SLC9A1: variants seen among roughly 807,000 people sequenced by gnomAD.
The protein encoded by SLC9A1 is solute carrier family 9 member A1.
SLC9A1 carries 22 observed loss-of-function variants against 67.9 expected under a neutral mutation model. The ratio of observed to expected loss-of-function variants is 0.32; its 90% CI spans 0.23 to 0.46. SLC9A1 has a LOEUF of 0.46. SLC9A1 is among the 20% of genes least tolerant of loss of function. The pLI is 1.00. For synonymous variants in SLC9A1, 421 were observed against 471.8 expected (o/e 0.89, Z 1.40); for missense variants, 686 against 1,094.8 (o/e 0.63, Z 5.27).
In SLC9A1 at chr1:27,100,782, G is replaced by C. The variant is rs527976968; in HGVS notation, c.2111-138C>G. ...CGGTCCCAACAGGCCTCAGAAGCAG[G>C]CCTCTGCGACCTTCCACCCCACAGC... is the stretch of plus-strand genomic sequence containing the variant. On this transcript the variant is annotated intron_variant, in intron 11 of 11. Transcript: ENST00000263980. This position sits in a 1 kb window ranked among gnomAD's most constrained non-coding sequence, Gnocchi z 5.6. 5.1e-5 allele frequency: 36 copies of C among 701,564 alleles called. No homozygotes were observed. The highest frequency in any genetic ancestry group is 7.2e-6 in the Non-Finnish European group (3 of 414,888). 43.5% of individuals were successfully genotyped at this position (701,564 alleles called of 1,614,324 possible).
rs1049808286 is a variant in SLC9A1 at position 27,155,091 on chromosome 1, A to G, written c.-757T>C. Among the ~76,000 whole-genome samples the G allele has an allele frequency of 6.6e-6, 1 of 152,012 alleles. No homozygotes were observed. The highest frequency in any genetic ancestry group is 2.4e-5 in the African/African-American group (1 of 41,414). ...CAGCTCCTCCTGGTCCAGCTCCAGA[A>G]CTAACCCTAGCCCCGGCCCCGGCGG... On this transcript the variant is annotated 5_prime_UTR_variant, in exon 1 of 12. Coordinates refer to ENST00000263980, the MANE Select transcript of SLC9A1 (RefSeq NM_003047.5). The surrounding 1 kb of genome is among the most constrained non-coding windows in gnomAD (Gnocchi z 4.5).
rs1039238708 is a variant in SLC9A1 at position 27,101,572 on chromosome 1, G to A, written c.2037+153C>T. ...CCCCACAACCCCACGCCAATCCCTT[G>A]CTTAGAACTCATGGCTCTCCATGCC... is the stretch of plus-strand genomic sequence containing the variant. On this transcript the variant is annotated intron_variant, in intron 10 of 11. Transcript: ENST00000263980. The surrounding 1 kb of genome is among the most constrained non-coding windows in gnomAD (Gnocchi z 4.9). Among the ~76,000 whole-genome samples the A allele has an allele frequency of 6.6e-6, 1 of 152,142 alleles. No individual in the cohort carries two copies. The highest frequency in any genetic ancestry group is 1.9e-4 in the East Asian group (1 of 5,192).
rs2083550973 is a variant in SLC9A1, at chr1:27,154,211, T to C, written c.124A>G (p.Thr42Ala). 1 of 1,614,070 alleles carries C rather than the reference T, an allele frequency of 6.2e-7. No homozygotes were observed. The highest frequency in any genetic ancestry group is 1.7e-5 in the Admixed American group (1 of 60,012). ...LRSHGLQLSPTASTIRSSEPP... is the reference protein window; with the variant it reads ...LRSHGLQLSPAASTIRSSEPP... ...TCTGAGCTTCGAATGGTGCTGGCAGTTGGGCTGAGCTGGAGGCCATGGCTC... is the reference window on the plus strand; with the variant it reads ...TCTGAGCTTCGAATGGTGCTGGCAGCTGGGCTGAGCTGGAGGCCATGGCTC... Residue 42 changes from threonine to alanine, a missense_variant, in exon 1 of 12, where the codon ACT becomes GCT. This residue lies in a region of SLC9A1 where 143 missense variants were observed against 166.7 expected (regional missense o/e 0.86). Coordinates refer to ENST00000263980, the MANE Select transcript of SLC9A1 (RefSeq NM_003047.5).
chr1:27,102,830 C>T, intron 6 of SLC9A1, 87 bp from the exon 7 acceptor site: 2 of 1,186,014 alleles, frequency 1.7e-6, no homozygotes, highest in Admixed American at 1.9e-5. Flanking sequence ...CCTCCCGTAG[C>T]TGCAGCCCTG....
chr1:27,141,677 C>T (rs1284099949), intron 1 of SLC9A1, among the ~76,000 whole-genome samples: 2 of 152,214 alleles, frequency 1.3e-5, no homozygotes, highest in Admixed American at 1.3e-4. Context: ...TGCATCTCTG[C>T]ACCTTCCACC....
rs541605275 is a variant in SLC9A1, at chr1:27,118,916, A to G, written c.353-4630T>C. Among the ~76,000 whole-genome samples, 512 of 152,178 alleles carry G rather than the reference A, an allele frequency of 3.4e-3. 6 individuals carry two copies. The highest frequency in any genetic ancestry group is 0.011 in the African/African-American group (469 of 41,496). Reference sequence around the variant, plus strand: ...AGGAGGCACGAAAGTGTGGAATTCAACATCTCCAAGCACAGCCACAGGCCA... The same window carrying G: ...AGGAGGCACGAAAGTGTGGAATTCAGCATCTCCAAGCACAGCCACAGGCCA... On this transcript the variant is annotated intron_variant, in intron 1 of 11. Coordinates refer to ENST00000263980, the MANE Select transcript of SLC9A1 (RefSeq NM_003047.5). This position sits in a 1 kb window ranked among gnomAD's most constrained non-coding sequence, Gnocchi z 4.3.
chr1:27,152,778 C>G (rs1412540818), intron 1 of SLC9A1, among the ~76,000 whole-genome samples: 1 of 152,164 alleles, frequency 6.6e-6, no homozygotes, highest in African/African-American at 2.4e-5. Context: ...ACTTCCCTCC[C>G]GCTGCATGTC....
rs2083246307 is a variant in SLC9A1 at position 27,113,727 on chromosome 1, T to G, written c.813+99A>C. Reference sequence around the variant, plus strand: ...GGAAGCGGGAATGTGCCTCAGCTGTTTTTATTACTGTTATTAGCGGGTGGA... The same window carrying G: ...GGAAGCGGGAATGTGCCTCAGCTGTGTTTATTACTGTTATTAGCGGGTGGA... On this transcript the variant is annotated intron_variant, in intron 2 of 11. Transcript: ENST00000263980. The G allele has an allele frequency of 3.2e-6, 3 of 941,844 alleles. No individual in the cohort carries two copies. The South Asian group carries it at 4.7e-5, about 15-fold the overall frequency. 58.3% of individuals were successfully genotyped at this position (941,844 alleles called of 1,614,324 possible). A position where few individuals can be genotyped will look rare whatever the true frequency, so the allele number is the denominator to read the frequency against.
At chr1:27,131,938 G>GAAGAAAAAA (rs1553119548) in intron 1 of SLC9A1, among the ~76,000 whole-genome samples, 1 of 35,030 alleles carries the variant, frequency 2.9e-5, no homozygotes, top group African/African-American at 1.1e-4. Flanking sequence ...AGAAGAAGAA[G>GAAGAAAAAA]AAAAAAAAAA....
In SLC9A1 at chr1:27,136,800, C is replaced by T. The variant is rs369985021; in HGVS notation, c.352+17183G>A. On this transcript the variant is annotated intron_variant, in intron 1 of 11. Transcript: ENST00000263980. ...GGAGGAGGCGGAAAATTCCCAGAGC[C>T]AAGAACACTGGGGGAAAAGCTTCAT... 3.3e-5 allele frequency among the ~76,000 whole-genome samples: 5 copies of T among 152,266 alleles called. No individual in the cohort carries two copies. The East Asian group carries it at 7.7e-4, about 23-fold the overall frequency.
chr1:27,144,870 C>T (rs779228956), intron 1 of SLC9A1, among the ~76,000 whole-genome samples: 12 of 151,894 alleles, frequency 7.9e-5, no homozygotes, highest in Non-Finnish European at 1.3e-4. Flanking sequence ...ATTAGCTGGG[C>T]GTGGTGATGT....
chr1:27,137,857 C>T lies in SLC9A1; in HGVS notation c.352+16126G>A, dbSNP rs1223736897. ...CCCTCCCTCCCCAATGTGCCCCTGA[C>T]TCCACGCCCACTCTGCTCCAGCGTC... On this transcript the variant is annotated intron_variant, in intron 1 of 11. Transcript: ENST00000263980. This position sits in a 1 kb window ranked among gnomAD's most constrained non-coding sequence, Gnocchi z 4.6. 6.6e-6 allele frequency among the ~76,000 whole-genome samples: 1 copy of T among 152,208 alleles called. No homozygotes were observed. The highest frequency in any genetic ancestry group is 2.4e-5 in the African/African-American group (1 of 41,446).
intron 1 of SLC9A1, among the ~76,000 whole-genome samples, chr1:27,143,070 ATC>A (rs1553120801): frequency 1.4e-5 from 2 of 140,238 alleles, no homozygotes; most frequent in African/African-American, 5.4e-5. Flanking sequence ...AAAAAAAAAA[ATC>A]TGAGTCTATC....
At chr1:27,140,777 G>A (rs765976246) in intron 1 of SLC9A1, among the ~76,000 whole-genome samples, 1 of 152,102 alleles carries the variant, frequency 6.6e-6, no homozygotes, top group Non-Finnish European at 1.5e-5. Flanking sequence ...TGTTTCAGAC[G>A]ATCAGTCTTG....
chr1:27,122,307 A>T (rs2083309562), intron 1 of SLC9A1, among the ~76,000 whole-genome samples: 1 of 152,204 alleles, frequency 6.6e-6, no homozygotes, highest in Non-Finnish European at 1.5e-5. Context: ...TGATGCTCAG[A>T]AAACACGGGT....
intron 1 of SLC9A1, among the ~76,000 whole-genome samples, chr1:27,146,603 C>G (rs944439502): frequency 6.6e-6 from 1 of 152,266 alleles, no homozygotes; most frequent in East Asian, 1.9e-4. Context: ...TTCACAACCT[C>G]TAAACTAGAT....
In SLC9A1 at chr1:27,100,052, G is replaced by A. The variant is rs2083128438; in HGVS notation, c.*255C>T. The A allele has an allele frequency of 2.4e-6, 1 of 418,482 alleles. No homozygotes were observed. The allele number at this position is 418,482 out of a possible 1,614,324, so 25.9% of individuals were successfully genotyped here. On this transcript the variant is annotated 3_prime_UTR_variant, in exon 12 of 12. Coordinates refer to ENST00000263980, the MANE Select transcript of SLC9A1 (RefSeq NM_003047.5). This position sits in a 1 kb window ranked among gnomAD's most constrained non-coding sequence, Gnocchi z 5.6. ...GGTCCGGGAGAAGCCTGGATCTAGG[G>A]AGGGGCAGGGCCGGCCTCACCAGCC...
At chr1:27,124,138 G>T (rs1406095000) in intron 1 of SLC9A1, among the ~76,000 whole-genome samples, 2 of 152,072 alleles carry the variant, frequency 1.3e-5, no homozygotes, top group African/African-American at 4.8e-5. Context: ...ACTTACAGAT[G>T]GTATCAGGTG....
chr1:27,101,753 C>A lies in SLC9A1; in HGVS notation c.2009G>T (p.Arg670Met). 1 of 1,613,198 alleles carries A rather than the reference C, an allele frequency of 6.2e-7. No individual in the cohort carries two copies. Among genetic ancestry groups the A allele is most frequent in the Non-Finnish European group, 8.5e-7 (1 of 1,179,762 alleles). ...CTGCTCCAGCTGCCGGGCCTTCTGC[C>A]TCCGGAGCAGCATCTGGTTCCAGGC... ...EEAWNQMLLR[R>M]QKARQLEQKI... Residue 670 changes from arginine (R) to methionine (M), a missense_variant, in exon 10 of 12, where the codon AGG (arginine) becomes ATG (methionine). Physicochemically the swap from Arg to Met is moderately conservative, Grantham distance 91. Coordinates refer to ENST00000263980, the MANE Select transcript of SLC9A1 (RefSeq NM_003047.5). This position sits in a 1 kb window ranked among gnomAD's most constrained non-coding sequence, Gnocchi z 4.9.
Sources: gnomAD v4.1 joint callset for allele counts (sites outside exome capture counted in the v4.1 genomes callset) on GRCh38, gnomAD v4.1.1 for gene constraint, gnomAD v4.1.1 regional missense constraint, Gnocchi (gnomAD v3.1) non-coding constraint, MANE v1.5 for transcripts, NCBI Gene and HGNC (gene_info 2026-07-23, HGNC 2026-07-21) for gene names.